Variants in CALHM4 observed in about 807,000 individuals in gnomAD.
The protein encoded by CALHM4 is calcium homeostasis modulator family member 4.
Under a neutral mutation model 13.3 loss-of-function variants are expected in CALHM4, and 16 were observed. The observed-to-expected ratio is 1.20, with a 90% CI of 0.81 to 1.82. The LOEUF is 1.82. Ranked by LOEUF, CALHM4 falls within the 40% of genes most tolerant of loss-of-function variation. The pLI is 0.00. For synonymous variants in CALHM4, 127 were observed against 137.1 expected (o/e 0.93, Z 0.52); for missense variants, 344 against 374.9 (o/e 0.92, Z 0.68).
upstream of CALHM4, among the ~76,000 whole-genome samples, chr6:116,550,168 T>C (rs894735415): frequency 2.6e-5 from 4 of 151,984 alleles, no homozygotes; most frequent in African/African-American, 9.7e-5. Context: ...TGACACTTTT[T>C]AGTTAAGTTT....
rs1258626760 is a variant in CALHM4 at position 116,558,108 on chromosome 6, T to C, written c.842T>C (p.Leu281Ser). The change falls in exon 2 of 2, where the codon TTA becomes TCA. Residue 281 changes from leucine to serine, a missense_variant. Transcript: ENST00000368596. Reference protein sequence around the residue: ...DWKDISVPTLLCMGDDLQGHY... With the variant: ...DWKDISVPTLSCMGDDLQGHY... ...AAAGATATTTCAGTACCCACTCTTT[T>C]ATGCATGGGTGATGACTTGCAAGGT... The C allele has an allele frequency of 1.2e-6, 2 of 1,614,200 alleles. No individual in the cohort carries two copies. The highest frequency in any genetic ancestry group is 8.5e-7 in the Non-Finnish European group (1 of 1,180,008).
upstream of CALHM4, among the ~76,000 whole-genome samples, chr6:116,551,450 G>A (rs1021302208): frequency 2.6e-5 from 4 of 151,936 alleles, no homozygotes; most frequent in South Asian, 2.1e-4. Flanking sequence ...TATTTCATCC[G>A]GAAAATTATT....
chr6:116,543,325 C>T, intron 1 of CALHM4: 1 of 1,549,424 alleles, frequency 6.5e-7, no homozygotes, highest in Non-Finnish European at 8.7e-7. Context: ...TATTGGTTCA[C>T]ATCTTCATCC....
intron 1 of CALHM4, chr6:116,540,362 C>A: frequency 6.5e-6 from 10 of 1,550,336 alleles, no homozygotes; most frequent in Non-Finnish European, 8.7e-6. Context: ...AACATAGTTA[C>A]CTGGGCAATT....
At chr6:116,538,457 T>A (rs1230333652) in intron 1 of CALHM4, among the ~76,000 whole-genome samples, 1 of 152,226 alleles carries the variant, frequency 6.6e-6, no homozygotes, top group African/African-American at 2.4e-5. Context: ...CTGTTAATCA[T>A]CTTCTTAAAA....
exon 1 of CALHM4, chr6:116,529,174 C>T (rs1475661838): frequency 6.6e-6 from 1 of 152,268 alleles, no homozygotes; most frequent in Non-Finnish European, 1.5e-5. Context: ...TGCTGCAACC[C>T]TTCAGCTCTG....
At chr6:116,530,118 G>T (rs1186808091) in intron 1 of CALHM4, among the ~76,000 whole-genome samples, 1 of 151,758 alleles carries the variant, frequency 6.6e-6, no homozygotes, top group Non-Finnish European at 1.5e-5. Context: ...AGAAGTATTT[G>T]TTTTTAAGAT....
intron 1 of CALHM4, among the ~76,000 whole-genome samples, chr6:116,554,608 G>C (rs1440245097): frequency 2.0e-5 from 3 of 152,076 alleles, no homozygotes; most frequent in African/African-American, 7.2e-5. Flanking sequence ...GATATTCATG[G>C]CACCTACCAC....
intron 1 of CALHM4, among the ~76,000 whole-genome samples, chr6:116,534,868 C>T (rs1292602113): frequency 2.6e-5 from 4 of 152,176 alleles, no homozygotes; most frequent in Admixed American, 6.5e-5. Flanking sequence ...ACCTAAAAAT[C>T]GGGGTTTCAA....
At chr6:116,540,352 A>G (rs1034770420) in intron 1 of CALHM4, 1 of 1,548,892 alleles carries the variant, frequency 6.5e-7, no homozygotes, top group Non-Finnish European at 8.7e-7. Flanking sequence ...CAGAGATAAA[A>G]ACATAGTTAC....
chr6:116,538,269 C>T (rs1773217818), intron 1 of CALHM4, among the ~76,000 whole-genome samples: 1 of 152,194 alleles, frequency 6.6e-6, no homozygotes, highest in Non-Finnish European at 1.5e-5. Flanking sequence ...CTGCACTATT[C>T]TAACTGGATG....
upstream of CALHM4, among the ~76,000 whole-genome samples, chr6:116,552,928 G>C (rs1774141416): frequency 6.6e-6 from 1 of 152,080 alleles, no homozygotes; most frequent in South Asian, 2.1e-4. Flanking sequence ...CAAAAAATTA[G>C]CCAGGCGTGG....
intron 1 of CALHM4, among the ~76,000 whole-genome samples, chr6:116,533,976 T>G (rs1205674510): frequency 1.3e-5 from 2 of 152,156 alleles, no homozygotes; most frequent in African/African-American, 2.4e-5. Context: ...CACAGCAGCC[T>G]TCTCCACTAT....
intron 1 of CALHM4, among the ~76,000 whole-genome samples, chr6:116,537,753 G>T (rs1353239844): frequency 6.6e-6 from 1 of 152,144 alleles, no homozygotes; most frequent in Non-Finnish European, 1.5e-5. Flanking sequence ...TTCCTAAGGG[G>T]CCTGAACAAA....
At chr6:116,540,324 T>C (rs1330131224) in intron 1 of CALHM4, 2 of 1,534,158 alleles carry the variant, frequency 1.3e-6, no homozygotes, top group East Asian at 2.4e-5. Flanking sequence ...GAATCAGAGA[T>C]TTTTCAAAAC....
rs200873311 is a variant in CALHM4, at chr6:116,558,254, G to T, written c.*43G>T. 2.5e-4 allele frequency: 380 copies of T among 1,535,302 alleles called. 2 individuals are homozygous for T. Among genetic ancestry groups the T allele is most frequent in the Admixed American group, 7.8e-4 (41 of 52,636 alleles). ...AGTCAGGTTGCTTAGCAGATACTTG[G>T]CTTTTATGGCTTTTATGATCAGGCC... On this transcript the variant is annotated 3_prime_UTR_variant, in exon 2 of 2. Coordinates refer to ENST00000368596, the MANE Select transcript of CALHM4 (RefSeq NM_001366078.2).
At position 116,554,028 on chromosome 6, in the gene CALHM4, G is replaced by C; in HGVS notation, c.235G>C (p.Gly79Arg). 1 of 1,550,624 alleles carries C rather than the reference G, an allele frequency of 6.4e-7. No individual in the cohort carries two copies. The highest frequency in any genetic ancestry group is 2.4e-5 in the East Asian group (1 of 40,928). ...GAGAAGCCAAATGTGGACAATTACC[G>C]GTGAATACTGCTGCAGCTGTGCCCC... ...ALRSQMWTIT[G>R]EYCCSCAPPY... is the part of the protein sequence containing the mutation. Residue 79 changes from glycine to arginine, a missense_variant, in exon 1 of 2, where the codon GGT (glycine) becomes CGT (arginine). Gly to Arg is a moderately radical substitution (Grantham distance 125). Coordinates refer to ENST00000368596, the MANE Select transcript of CALHM4 (RefSeq NM_001366078.2).
At chr6:116,539,991 A>G (rs547872330) in intron 1 of CALHM4, among the ~76,000 whole-genome samples, 109 of 152,260 alleles carry the variant, frequency 7.2e-4, no homozygotes, top group African/African-American at 2.6e-3. Flanking sequence ...ATATTCTTTG[A>G]TACTACCAAA....
upstream of CALHM4, among the ~76,000 whole-genome samples, chr6:116,550,749 C>T (rs61315364): frequency 5.7e-3 from 865 of 152,190 alleles, 11 homozygotes; most frequent in African/African-American, 0.02. Flanking sequence ...AGTGATTACA[C>T]TTATACGCCT....
Sources: allele counts gnomAD v4.1 joint callset (sites outside exome capture counted in the v4.1 genomes callset), GRCh38; gene constraint gnomAD v4.1.1; transcripts MANE v1.5; gene names NCBI Gene and HGNC (gene_info 2026-07-23, HGNC 2026-07-21).